The following EXT2 variants were observed in gnomAD, a reference collection of about 807,000 sequenced individuals.
EXT2 encodes the protein exostosin-2.
Under a neutral mutation model 81.6 loss-of-function variants are expected in EXT2, and 53 were observed. The ratio of observed to expected loss-of-function variants is 0.65; its 90% confidence interval spans 0.52 to 0.82. The LOEUF (loss-of-function observed/expected upper bound fraction) is 0.82, where lower values mean the gene tolerates loss of function less well. Ranked by LOEUF, EXT2 falls within the 40% of genes least tolerant of loss-of-function variation. The pLI, the probability that EXT2 is intolerant of heterozygous loss-of-function variation, is 0.00. For synonymous variants in EXT2, 320 were observed against 340.0 expected, an observed-to-expected ratio of 0.94 and a Z score of 0.65; for missense variants, 774 against 910.2, an observed-to-expected ratio of 0.85 and a Z score of 1.93.
At chr11:44,144,378 A>G in intron 7 of EXT2, 1 of 1,518,298 alleles carries the variant, frequency 6.6e-7, no homozygotes, top group Non-Finnish European at 9.0e-7. Context: ...GCAGAAATGA[A>G]TCTCTAGTCT....
rs1042636761 is a variant in EXT2, at chr11:44,247,152, ACCT to A, written c.*2869_*2871del. Reference sequence around the variant, plus strand: ...CCAACCCTCACACATTTAGGTATAAACCTCCTTTTCTGGGAGAATTAAAGAGAA... The same window carrying A: ...CCAACCCTCACACATTTAGGTATAAACCTTTTCTGGGAGAATTAAAGAGAA... On this transcript the variant is annotated 3_prime_UTR_variant, in exon 14 of 14. Coordinates refer to ENST00000533608, the MANE Select transcript of EXT2 (RefSeq NM_207122.2). Among the ~76,000 whole-genome samples the A allele has an allele frequency of 7.9e-5, 12 of 151,470 alleles. No individual in the cohort carries two copies. Among genetic ancestry groups the A allele is most frequent in the Admixed American group, 6.6e-5 (1 of 15,218 alleles).
intron 8 of EXT2, among the ~76,000 whole-genome samples, chr11:44,192,166 C>T (rs1955400120): frequency 1.3e-5 from 2 of 152,306 alleles, no homozygotes; most frequent in African/African-American, 4.8e-5. Flanking sequence ...ACTGTCTTGT[C>T]AGCAAATCTT....
chr11:44,106,264 G>C (rs1000040374), intron 1 of EXT2, among the ~76,000 whole-genome samples: 2 of 152,144 alleles, frequency 1.3e-5, no homozygotes, highest in Admixed American at 1.3e-4. Context: ...CTTTGTAAAT[G>C]AATCTACCAC....
chr11:44,157,409 C>G (rs1295966906), intron 7 of EXT2, among the ~76,000 whole-genome samples: 1 of 152,248 alleles, frequency 6.6e-6, no homozygotes, highest in East Asian at 1.9e-4. Context: ...ACTTGGTTCT[C>G]TATTCTACGT....
intron 7 of EXT2, among the ~76,000 whole-genome samples, chr11:44,158,749 A>G (rs1340063831): frequency 6.6e-6 from 1 of 151,982 alleles, no homozygotes; most frequent in African/African-American, 2.4e-5. Flanking sequence ...TCTCTGAAGA[A>G]CATTTAACAT....
intron 10 of EXT2, among the ~76,000 whole-genome samples, chr11:44,221,011 T>A (rs78253735): frequency 6.6e-6 from 1 of 152,156 alleles, no homozygotes; most frequent in Admixed American, 6.5e-5. Flanking sequence ...AGAGTGGCAC[T>A]TTTTTCTTCC....
chr11:44,201,516 A>G (rs1431699628), intron 9 of EXT2, among the ~76,000 whole-genome samples: 1 of 152,218 alleles, frequency 6.6e-6, no homozygotes, highest in Non-Finnish European at 1.5e-5. Context: ...GTAATTTGTC[A>G]GAAATCAGCA....
rs190213058 is a variant in EXT2 at position 44,167,345 on chromosome 11, T to C, written c.1174-4266T>C. 3.3e-4 allele frequency among the ~76,000 whole-genome samples: 50 copies of C among 152,292 alleles called. No homozygotes were observed. The Middle Eastern group carries it at 0.014, about 41-fold the overall frequency. ...CAGCAGTTGGGAATGTAGTGAGCAA[T>C]GCAGATATTTCAGCAGCCATATACA... On this transcript the variant is annotated intron_variant, in intron 7 of 13. Coordinates refer to ENST00000533608, the MANE Select transcript of EXT2 (RefSeq NM_207122.2).
At position 44,249,886 on chromosome 11, in the gene EXT2, C is replaced by T. The variant is rs779553309; in HGVS notation, c.*5599C>T. Among the ~76,000 whole-genome samples, 7 of 152,128 alleles carry T rather than the reference C, an allele frequency of 4.6e-5. No homozygotes were observed. The South Asian group carries it at 1.2e-3, about 27-fold the overall frequency. ...GAGATCGAGACCCTCCTGGCTAACA[C>T]GGTGAAACCCCATCTCTACTAAAAA... On this transcript the variant is annotated 3_prime_UTR_variant, in exon 14 of 14. Coordinates refer to ENST00000533608, the MANE Select transcript of EXT2 (RefSeq NM_207122.2).
At chr11:44,119,894 A>AGCT (rs2135002015) in intron 4 of EXT2, among the ~76,000 whole-genome samples, 1 of 152,342 alleles carries the variant, frequency 6.6e-6, no homozygotes, top group East Asian at 1.9e-4. Flanking sequence ...AGGACTGCTC[A>AGCT]GCTGCTGTGG....
chr11:44,175,797 G>A (rs1170780991), intron 8 of EXT2, among the ~76,000 whole-genome samples: 1 of 152,216 alleles, frequency 6.6e-6, no homozygotes, highest in African/African-American at 2.4e-5. Context: ...GGGATGGAGA[G>A]AGGGAGAAAG....
intron 4 of EXT2, among the ~76,000 whole-genome samples, chr11:44,120,145 T>C (rs938725390): frequency 9.9e-5 from 15 of 152,222 alleles, no homozygotes; most frequent in African/African-American, 2.4e-4. Flanking sequence ...TTTAGATACA[T>C]CAATATATAA....
chr11:44,122,805 G>T (rs1465970352), intron 4 of EXT2, among the ~76,000 whole-genome samples: 2 of 152,234 alleles, frequency 1.3e-5, no homozygotes, highest in African/African-American at 4.8e-5. Flanking sequence ...GTCAACGTTT[G>T]TGCTGTCAGG....
At chr11:44,206,062 T>A (rs1395655771) in intron 9 of EXT2, among the ~76,000 whole-genome samples, 1 of 140,692 alleles carries the variant, frequency 7.1e-6, no homozygotes, top group Non-Finnish European at 1.5e-5. Context: ...AAATCCCACA[T>A]AATTGGACCT....
chr11:44,235,124 C>T (rs975265559), intron 12 of EXT2, among the ~76,000 whole-genome samples: 1 of 152,030 alleles, frequency 6.6e-6, no homozygotes, highest in African/African-American at 2.4e-5. Context: ...CCCTGTCCCC[C>T]AGCTCTCTAA....
At chr11:44,114,352 G>A (rs1954191588) in intron 4 of EXT2, 51 bp downstream of exon 4, 1 of 1,527,912 alleles carries the variant, frequency 6.5e-7, no homozygotes, top group Non-Finnish European at 9.1e-7. Context: ...TCTGTGAGAT[G>A]TTGATGAGGT....
At chr11:44,240,227 G>T (rs1337550492) in intron 13 of EXT2, among the ~76,000 whole-genome samples, 1 of 152,164 alleles carries the variant, frequency 6.6e-6, no homozygotes. Context: ...AGCAAAGGCA[G>T]ACTCTTGGGA....
At chr11:44,126,708 A>G in intron 5 of EXT2, 108 bp from the exon 6 acceptor site, 2 of 1,386,902 alleles carry the variant, frequency 1.4e-6, no homozygotes, top group Non-Finnish European at 2.0e-6. Flanking sequence ...AAGATGCCTC[A>G]GTATTGCTTG....
At chr11:44,107,654 T>G in intron 1 of EXT2, 29 bp from the exon 2 acceptor site, 1 of 1,587,532 alleles carries the variant, frequency 6.3e-7, no homozygotes, top group Non-Finnish European at 8.6e-7. Flanking sequence ...AAATACTTGG[T>G]TTTTCTTATT....
Sources: gnomAD v4.1 joint callset for allele counts (sites outside exome capture counted in the v4.1 genomes callset) on GRCh38, gnomAD v4.1.1 for gene constraint, MANE v1.5 for transcripts, NCBI Gene and HGNC (gene_info 2026-07-23, HGNC 2026-07-21) for gene names.